The following PPP1R9B variants were observed in gnomAD, a reference collection of about 807,000 sequenced individuals.
PPP1R9B encodes the protein neurabin-2.
A neutral mutation model predicts 75.8 loss-of-function variants in PPP1R9B; 17 were observed. The observed-to-expected ratio is 0.22, with a 90% confidence interval of 0.15 to 0.34. The LOEUF is 0.34. Ranked by LOEUF, PPP1R9B falls within the 10% of genes least tolerant of loss-of-function variation. The pLI, the probability that PPP1R9B is intolerant of heterozygous loss-of-function variation, is 1.00. For synonymous variants in PPP1R9B, 509 were observed against 535.4 expected, an observed-to-expected ratio of 0.95 and a Z score of 0.68; for missense variants, 875 against 1,196.0, an observed-to-expected ratio of 0.73 and a Z score of 3.96.
rs1411983948 is a variant in PPP1R9B at position 50,135,227 on chromosome 17, C to T, written c.*104G>A. On this transcript the variant is annotated 3_prime_UTR_variant, in exon 10 of 10. Coordinates refer to ENST00000612501, the MANE Select transcript of PPP1R9B (RefSeq NM_032595.5). ...GGTGGAGGGGTGGGGGGAGTCGGGGCACCTGTCCCCAGGCTGGAAGGGGGA... is the reference window on the plus strand; with the variant it reads ...GGTGGAGGGGTGGGGGGAGTCGGGGTACCTGTCCCCAGGCTGGAAGGGGGA... 4 of 926,202 alleles carry T rather than the reference C, an allele frequency of 4.3e-6. No homozygotes were observed. The East Asian group carries it at 9.8e-5, about 23-fold the overall frequency. The allele number at this position is 926,202 out of a possible 1,614,324, so 57.4% of individuals were successfully genotyped here. A position where few individuals can be genotyped will look rare whatever the true frequency, so the allele number is the denominator to read the frequency against.
In PPP1R9B at chr17:50,136,215, G is replaced by A. The variant is rs764030065; in HGVS notation, c.2074-18C>T. The A allele has an allele frequency of 1.5e-5, 24 of 1,594,806 alleles. No individual in the cohort carries two copies. Among genetic ancestry groups the A allele is most frequent in the Middle Eastern group, 1.7e-4 (1 of 6,044 alleles). ...CTCTGCAGCTGAGAGAGAAAGGCAC[G>A]GCCCTGGGTTGGTGGGGGCCAGCAG... is the stretch of plus-strand genomic sequence containing the variant. On this transcript the variant is annotated intron_variant, in intron 7 of 9. Transcript: ENST00000612501.
At position 50,140,119 on chromosome 17, in the gene PPP1R9B, C is replaced by T. The variant is rs1423777868; in HGVS notation, c.1840G>A (p.Ala614Thr). Residue 614 changes from alanine to threonine, a missense_variant, in exon 5 of 10, where the codon GCC becomes ACC. Physicochemically the swap from Ala to Thr is moderately conservative, Grantham distance 58 (BLOSUM62 0). Coordinates refer to ENST00000612501, the MANE Select transcript of PPP1R9B (RefSeq NM_032595.5). Reference sequence around the variant, plus strand: ...TCCTCGTCATCCTCCCCATACTGGGCGTATCTCTGCTCCATCATCTCCCGC... The same window carrying T: ...TCCTCGTCATCCTCCCCATACTGGGTGTATCTCTGCTCCATCATCTCCCGC... Reference protein sequence around the residue: ...WQREMMEQRYAQYGEDDEETG... With the variant: ...WQREMMEQRYTQYGEDDEETG... 4.3e-6 allele frequency: 7 copies of T among 1,613,384 alleles called. No individual in the cohort carries two copies. Among genetic ancestry groups the T allele is most frequent in the African/African-American group, 1.3e-5 (1 of 74,916 alleles).
At position 50,150,472 on chromosome 17, in the gene PPP1R9B, C is replaced by T; in HGVS notation, c.42G>A (p.Arg14=). Residue 14 remains arginine, a synonymous_variant, in exon 1 of 10, where the codon CGG becomes CGA. Transcript: ENST00000612501. The surrounding 1 kb of genome is among the most constrained non-coding windows in gnomAD (Gnocchi z 8.7). ...TEPRGPGGPL[R]SASPHRSAYE... is the part of the protein sequence containing the mutation. ...AGGCGCTGCGGTGCGGGGAGGCGCT[C>T]CGGAGGGGACCCCCGGGCCCCCGTG... 7.3e-7 allele frequency: 1 copy of T among 1,374,624 alleles called. No individual in the cohort carries two copies. The highest frequency in any genetic ancestry group is 3.6e-5 in the Admixed American group (1 of 27,860). The allele number at this position is 1,374,624 out of a possible 1,614,324, so 85.2% of individuals were successfully genotyped here.
In PPP1R9B at chr17:50,139,366, G is replaced by T. The variant is rs949457275; in HGVS notation, c.2020-50C>A. 18 of 1,613,798 alleles carry T rather than the reference G, an allele frequency of 1.1e-5. No individual in the cohort carries two copies. Among genetic ancestry groups the T allele is most frequent in the Non-Finnish European group, 1.5e-5 (18 of 1,179,856 alleles). On this transcript the variant is annotated intron_variant, in intron 6 of 9. Coordinates refer to ENST00000612501, the MANE Select transcript of PPP1R9B (RefSeq NM_032595.5). This position sits in a 1 kb window ranked among gnomAD's most constrained non-coding sequence, Gnocchi z 5.0. Reference sequence around the variant, plus strand: ...CAGCTCCAGCAGGGTGGGGCAGGCAGTGCCAAGGGCAGGAGACCTGCCTGC... The same window carrying T: ...CAGCTCCAGCAGGGTGGGGCAGGCATTGCCAAGGGCAGGAGACCTGCCTGC...
chr17:50,150,271 G>T lies in PPP1R9B; in HGVS notation c.243C>A (p.Ala81=). 7.0e-7 allele frequency: 1 copy of T among 1,431,822 alleles called. No individual in the cohort carries two copies. Among genetic ancestry groups the T allele is most frequent in the Admixed American group, 3.0e-5 (1 of 33,438 alleles). 88.7% of individuals were successfully genotyped at this position (1,431,822 alleles called of 1,614,324 possible). The change falls in exon 1 of 10, where the codon GCC becomes GCA. Residue 81 remains alanine, a synonymous_variant. Transcript: ENST00000612501. This position sits in a 1 kb window ranked among gnomAD's most constrained non-coding sequence, Gnocchi z 8.7. ...SGEAGGGAGL[A]EAPRASERGV... The stretch of plus-strand genomic sequence containing the variant: ...CGCGCTCGGACGCCCGTGGGGCCTC[G>T]GCCAGGCCCGCGCCGCCGCCCGCCT...
intron 7 of PPP1R9B, among the ~76,000 whole-genome samples, chr17:50,138,693 G>A (rs540703170): frequency 1.5e-4 from 23 of 152,172 alleles, no homozygotes; most frequent in African/African-American, 5.1e-4. Flanking sequence ...GCACAATCAC[G>A]GCTCACTGCA....
rs1912483528 is a variant in PPP1R9B, at chr17:50,145,201, C to T, written c.1416G>A (p.Glu472=). 1.2e-6 allele frequency: 2 copies of T among 1,613,892 alleles called. No homozygotes were observed. The highest frequency in any genetic ancestry group is 2.7e-5 in the African/African-American group (2 of 74,948). Residue 472 remains glutamate, a synonymous_variant, in exon 2 of 10, where the codon GAG becomes GAA. Coordinates refer to ENST00000612501, the MANE Select transcript of PPP1R9B (RefSeq NM_032595.5). ...YSNEDYDRRN[E]DVDPMAASAE... is the part of the protein sequence containing the mutation. ...CAGAGGCTGCCATGGGATCCACATC[C>T]TCGTTGCGACGATCGTAATCCTCGT... is the stretch of plus-strand genomic sequence containing the variant.
chr17:50,135,798 G>A, intron 8 of PPP1R9B, 149 bp from the exon 9 acceptor site: 1 of 871,282 alleles, frequency 1.1e-6, no homozygotes, highest in South Asian at 1.7e-5. Context: ...GCCTCTGGGG[G>A]TCTGGCTCTG....
In PPP1R9B at chr17:50,149,569, G is replaced by T; in HGVS notation, c.945C>A (p.Pro315=). 1 of 1,582,708 alleles carries T rather than the reference G, an allele frequency of 6.3e-7. No individual in the cohort carries two copies. Among genetic ancestry groups the T allele is most frequent in the East Asian group, 2.3e-5 (1 of 42,888 alleles). ...ESGESEAESA[P]GEVIQAEVTV... is the part of the protein sequence containing the mutation. Reference sequence around the variant, plus strand: ...TAACCTCGGCCTGGATCACCTCCCCGGGCGCCGACTCGGCCTCCGACTCCC... The same window carrying T: ...TAACCTCGGCCTGGATCACCTCCCCTGGCGCCGACTCGGCCTCCGACTCCC... Residue 315 remains proline (P), a synonymous_variant, in exon 1 of 10, where the codon CCC becomes CCA. Coordinates refer to ENST00000612501, the MANE Select transcript of PPP1R9B (RefSeq NM_032595.5). The surrounding 1 kb of genome is among the most constrained non-coding windows in gnomAD (Gnocchi z 7.2).
chr17:50,147,824 C>T (rs1912553455), intron 1 of PPP1R9B, among the ~76,000 whole-genome samples: 1 of 152,096 alleles, frequency 6.6e-6, no homozygotes, highest in Admixed American at 6.5e-5. Flanking sequence ...TTTAACCTTT[C>T]AGGCCTCTTG....
At chr17:50,141,677 A>AT (rs1912385085) in intron 3 of PPP1R9B, among the ~76,000 whole-genome samples, 1 of 150,614 alleles carries the variant, frequency 6.6e-6, no homozygotes, top group African/African-American at 2.5e-5. Context: ...AAAAAAAAAA[A>AT]CAAAAAAAAA....
At chr17:50,146,244 C>T (rs1462538288) in intron 1 of PPP1R9B, 2 of 152,304 alleles carry the variant, frequency 1.3e-5, no homozygotes, top group African/African-American at 4.8e-5. Context: ...ATTCTGGGCC[C>T]AGGCAGGGGT....
chr17:50,139,177 A>G lies in PPP1R9B; in HGVS notation c.2073+86T>C. The G allele has an allele frequency of 6.8e-7, 1 of 1,468,144 alleles. No individual in the cohort carries two copies. The highest frequency in any genetic ancestry group is 9.5e-7 in the Non-Finnish European group (1 of 1,047,158). The allele number at this position is 1,468,144 out of a possible 1,614,324, so 90.9% of individuals were successfully genotyped here. A position where few individuals can be genotyped will look rare whatever the true frequency, so the allele number is the denominator to read the frequency against. On this transcript the variant is annotated intron_variant, in intron 7 of 9. Transcript: ENST00000612501. This position sits in a 1 kb window ranked among gnomAD's most constrained non-coding sequence, Gnocchi z 5.0. Reference sequence around the variant, plus strand: ...CTGTGGGTACCTGTGCCTAAGTGTCAGCATGTGCAGGTGTGAGGGTAGGGG... The same window carrying G: ...CTGTGGGTACCTGTGCCTAAGTGTCGGCATGTGCAGGTGTGAGGGTAGGGG...
At chr17:50,145,081 TG>T in intron 2 of PPP1R9B, 31 bp downstream of exon 2, 1 of 1,611,338 alleles carries the variant, frequency 6.2e-7, no homozygotes, top group East Asian at 2.2e-5. Flanking sequence ...ACCCCAGCTG[TG>T]CGCAAGTGAC....
Position 50,139,178 on chromosome 17 carries a change from G to T in PPP1R9B, c.2073+85C>A. ...TGTGGGTACCTGTGCCTAAGTGTCAGCATGTGCAGGTGTGAGGGTAGGGGG... is the reference window on the plus strand; with the variant it reads ...TGTGGGTACCTGTGCCTAAGTGTCATCATGTGCAGGTGTGAGGGTAGGGGG... On this transcript the variant is annotated intron_variant, in intron 7 of 9. Coordinates refer to ENST00000612501, the MANE Select transcript of PPP1R9B (RefSeq NM_032595.5). This position sits in a 1 kb window ranked among gnomAD's most constrained non-coding sequence, Gnocchi z 5.0. 6.8e-7 allele frequency: 1 copy of T among 1,472,724 alleles called. No homozygotes were observed. The highest frequency in any genetic ancestry group is 9.5e-7 in the Non-Finnish European group (1 of 1,051,356). 91.2% of individuals were successfully genotyped at this position (1,472,724 alleles called of 1,614,324 possible). A position where few individuals can be genotyped will look rare whatever the true frequency, so the allele number is the denominator to read the frequency against.
chr17:50,149,309 C>G lies in PPP1R9B; in HGVS notation c.1205G>C (p.Gly402Ala). Residue 402 changes from glycine (G) to alanine (A), a missense_variant, in exon 1 of 10, where the codon GGG (glycine) becomes GCG (alanine). Gly to Ala is a moderately conservative substitution (Grantham distance 60, BLOSUM62 0). This residue lies in a region of PPP1R9B where 449 missense variants were observed against 475.0 expected (regional missense o/e 0.95). Coordinates refer to ENST00000612501, the MANE Select transcript of PPP1R9B (RefSeq NM_032595.5). The surrounding 1 kb of genome is among the most constrained non-coding windows in gnomAD (Gnocchi z 7.2). ...CAGGGCACTGCCCGCAGAGTCCTCC[C>G]CGAGCCCACTGTAGGCGCTCACGTC... is the stretch of plus-strand genomic sequence containing the variant. Reference protein sequence around the residue: ...LVDVSAYSGLGEDSAGSALEE... With the variant: ...LVDVSAYSGLAEDSAGSALEE... 2 of 1,613,450 alleles carry G rather than the reference C, an allele frequency of 1.2e-6. No homozygotes were observed. The highest frequency in any genetic ancestry group is 2.2e-5 in the South Asian group (2 of 91,030).
chr17:50,149,315 C>G lies in PPP1R9B; in HGVS notation c.1199G>C (p.Gly400Ala). The change falls in exon 1 of 10, where the codon GGG (glycine) becomes GCG (alanine). Residue 400 changes from glycine to alanine, a missense_variant. By Grantham distance (60) the Gly-to-Ala change is moderately conservative. This residue lies in a region of PPP1R9B where 449 missense variants were observed against 475.0 expected (regional missense o/e 0.95). Coordinates refer to ENST00000612501, the MANE Select transcript of PPP1R9B (RefSeq NM_032595.5). This position sits in a 1 kb window ranked among gnomAD's most constrained non-coding sequence, Gnocchi z 7.2. ...ACTGCCCGCAGAGTCCTCCCCGAGC[C>G]CACTGTAGGCGCTCACGTCCACCAA... is the stretch of plus-strand genomic sequence containing the variant. Reference protein sequence around the residue: ...ADLVDVSAYSGLGEDSAGSAL... With the variant: ...ADLVDVSAYSALGEDSAGSAL... The G allele has an allele frequency of 6.2e-7, 1 of 1,613,452 alleles. No homozygotes were observed. The highest frequency in any genetic ancestry group is 8.5e-7 in the Non-Finnish European group (1 of 1,179,776).
In PPP1R9B at chr17:50,150,355, G is replaced by A. The variant is rs1158817186; in HGVS notation, c.159C>T (p.Asn53=). 3 of 1,433,002 alleles carry A rather than the reference G, an allele frequency of 2.1e-6. No homozygotes were observed. Among genetic ancestry groups the A allele is most frequent in the Non-Finnish European group, 2.7e-6 (3 of 1,093,094 alleles). The allele number at this position is 1,433,002 out of a possible 1,614,324, so 88.8% of individuals were successfully genotyped here. Residue 53 remains asparagine, a synonymous_variant, in exon 1 of 10, where the codon AAC becomes AAT. Transcript: ENST00000612501. This position sits in a 1 kb window ranked among gnomAD's most constrained non-coding sequence, Gnocchi z 8.7. The stretch of plus-strand genomic sequence containing the variant: ...GGAACATACTTTTGATGCGGTGGAC[G>A]TTGGAGCCATATTTCTTGTGGTGGG... ...KGAHHKKYGS[N]VHRIKSMFLQ...
chr17:50,140,300 T>C, intron 4 of PPP1R9B, 72 bp from the exon 5 acceptor site: 1 of 1,515,250 alleles, frequency 6.6e-7, no homozygotes, highest in Non-Finnish European at 8.9e-7. Context: ...CTGCTGATGC[T>C]CCCCTCTCCA....
Sources: gnomAD v4.1 joint callset for allele counts (sites outside exome capture counted in the v4.1 genomes callset) on GRCh38, gnomAD v4.1.1 for gene constraint, gnomAD v4.1.1 regional missense constraint, Gnocchi (gnomAD v3.1) non-coding constraint, MANE v1.5 for transcripts, NCBI Gene and HGNC (gene_info 2026-07-23, HGNC 2026-07-21) for gene names.